The following SDAD1 variants were observed in gnomAD, a reference collection of about 807,000 sequenced individuals.
SDAD1 encodes protein SDA1 homolog.
SDAD1 carries 79 observed loss-of-function variants against 100.3 expected under a neutral mutation model. The observed-to-expected ratio is 0.79, with a 90% CI of 0.66 to 0.95. SDAD1 has a LOEUF of 0.95. SDAD1 is among the 40% of genes least tolerant of loss of function. The pLI is 0.00. For missense variants in SDAD1, 790 were observed against 810.9 expected (o/e 0.97, Z 0.31); for synonymous variants, 267 against 271.4 (o/e 0.98, Z 0.16).
At chr4:75,954,810 C>G in intron 21 of SDAD1, among the ~76,000 whole-genome samples, 1 of 152,112 alleles carries the variant, frequency 6.6e-6, no homozygotes, top group East Asian at 1.9e-4. Flanking sequence ...CCCAGAAAAG[C>G]AGATGTTCAT....
rs771256173 is a variant in SDAD1, at chr4:75,957,922, A to C, written c.1503T>G (p.Ser501Arg). 1.9e-6 allele frequency: 3 copies of C among 1,612,886 alleles called. No homozygotes were observed. The highest frequency in any genetic ancestry group is 1.7e-6 in the Non-Finnish European group (2 of 1,180,006). ...ENDEDGWEST[S>R]LSEEEDADGE... ...CATCAGCATCCTCCTCCTCACTGAG[A>C]CTGGTACTTTCCCATCCATCTGCGT... The change falls in exon 18 of 22, where the codon AGT becomes AGG. Residue 501 changes from serine to arginine, a missense_variant. Coordinates refer to ENST00000356260, the MANE Select transcript of SDAD1 (RefSeq NM_018115.4).
chr4:75,977,668 C>CA lies in SDAD1; in HGVS notation c.382dup (p.Cys128LeufsTer3). ...TACCTTTCGCAGAAGTTTATCATGG[C>CA]AACGAAAAAGTTCAAAGAAGAGTTC... On this transcript the variant is annotated frameshift_variant, in exon 4 of 22. Coordinates refer to ENST00000356260, the MANE Select transcript of SDAD1 (RefSeq NM_018115.4). LOFTEE classifies it high-confidence loss of function. The CA allele has an allele frequency of 6.2e-7, 1 of 1,610,054 alleles. No homozygotes were observed. Among genetic ancestry groups the CA allele is most frequent in the Admixed American group, 1.7e-5 (1 of 59,908 alleles).
At chr4:75,977,161 T>C (rs1485747444) in intron 4 of SDAD1, among the ~76,000 whole-genome samples, 3 of 152,148 alleles carry the variant, frequency 2.0e-5, no homozygotes, top group Non-Finnish European at 4.4e-5. Context: ...TGCAAAATCA[T>C]GGGAAAATGT....
intron 12 of SDAD1, 44 bp downstream of exon 12, chr4:75,967,233 C>T: frequency 6.3e-7 from 1 of 1,575,662 alleles, no homozygotes; most frequent in Admixed American, 1.7e-5. Flanking sequence ...CATGTTTATT[C>T]TATTACCAAG....
intron 3 of SDAD1, among the ~76,000 whole-genome samples, chr4:75,978,913 A>G (rs1435175986): frequency 7.1e-6 from 1 of 140,084 alleles, no homozygotes; most frequent in African/African-American, 2.6e-5. Flanking sequence ...CAGAAGCTTG[A>G]GGCTGCGGTG....
intron 4 of SDAD1, among the ~76,000 whole-genome samples, chr4:75,976,602 A>C (rs553899489): frequency 6.6e-6 from 1 of 152,296 alleles, no homozygotes; most frequent in African/African-American, 2.4e-5. Context: ...ATTGGAATAG[A>C]GTTTCTTTTG....
At chr4:75,970,899 C>T (rs1729834245) in intron 9 of SDAD1, among the ~76,000 whole-genome samples, 1 of 152,176 alleles carries the variant, frequency 6.6e-6, no homozygotes, top group African/African-American at 2.4e-5. Flanking sequence ...TGAGGCCTCC[C>T]CCACCATGCA....
At chr4:75,977,453 C>G (rs921322240) in intron 4 of SDAD1, among the ~76,000 whole-genome samples, 193 bp downstream of exon 4, 1 of 152,144 alleles carries the variant, frequency 6.6e-6, no homozygotes, top group Non-Finnish European at 1.5e-5. Context: ...ATACACAAAG[C>G]TCTGAGAATG....
At chr4:75,970,838 G>T (rs1370628969) in intron 9 of SDAD1, among the ~76,000 whole-genome samples, 22 of 152,170 alleles carry the variant, frequency 1.4e-4, no homozygotes, top group Non-Finnish European at 3.1e-4. Flanking sequence ...CTGCCACCAT[G>T]TAAGACATGC....
At chr4:75,965,859 G>A (rs750856593) in intron 12 of SDAD1, 37 bp from the exon 13 acceptor site, 1 of 1,567,288 alleles carries the variant, frequency 6.4e-7, no homozygotes, top group Non-Finnish European at 8.8e-7. Context: ...CATGGTCAGT[G>A]TATCACCCTG....
chr4:75,960,282 A>T, intron 16 of SDAD1, 90 bp from the exon 17 acceptor site: 1 of 1,179,364 alleles, frequency 8.5e-7, no homozygotes. Flanking sequence ...AATTTATTTT[A>T]TTTATTTATT....
chr4:75,953,770 A>T (rs1728739028), intron 21 of SDAD1, among the ~76,000 whole-genome samples: 1 of 152,206 alleles, frequency 6.6e-6, no homozygotes, highest in East Asian at 1.9e-4. Context: ...AGACTGTTTA[A>T]CCCAGAGCTG....
chr4:75,964,261 A>G (rs1457669167), intron 13 of SDAD1, 50 bp from the exon 14 acceptor site: 3 of 1,197,984 alleles, frequency 2.5e-6, no homozygotes, highest in Admixed American at 1.8e-5. Flanking sequence ...GTCTGCATAC[A>G]CAAACACATA....
intron 4 of SDAD1, among the ~76,000 whole-genome samples, chr4:75,976,939 A>G (rs1353364142): frequency 6.6e-6 from 1 of 152,120 alleles, no homozygotes; most frequent in African/African-American, 2.4e-5. Flanking sequence ...TAATGAATGT[A>G]AACTTAAATT....
chr4:75,966,264 G>GCACACACA (rs1553918825), intron 12 of SDAD1, among the ~76,000 whole-genome samples: 1 of 107,888 alleles, frequency 9.3e-6, no homozygotes, highest in Admixed American at 9.9e-5. Context: ...CTGAATGAAT[G>GCACACACA]CATACACACA....
chr4:75,977,951 A>G (rs73825590), intron 3 of SDAD1, among the ~76,000 whole-genome samples, 195 bp from the exon 4 acceptor site: 2,204 of 152,274 alleles, frequency 0.014, 43 homozygotes, highest in African/African-American at 0.049. Context: ...CCAAGTAAGC[A>G]TATAAAAAGG....
intron 3 of SDAD1, among the ~76,000 whole-genome samples, chr4:75,979,469 T>C (rs1338659009): frequency 4.0e-5 from 6 of 151,800 alleles, no homozygotes; most frequent in South Asian, 2.1e-4. Flanking sequence ...AAATCTCTAT[T>C]ATTATTATTA....
chr4:75,979,016 G>A (rs1249834155), intron 3 of SDAD1, among the ~76,000 whole-genome samples: 1 of 88,184 alleles, frequency 1.1e-5, no homozygotes, highest in Non-Finnish European at 2.7e-5. Flanking sequence ...AAAAAATTCA[G>A]GGAAATTGCT....
chr4:75,957,393 G>A lies in SDAD1; in HGVS notation c.1786C>T (p.Leu596Phe). The change falls in exon 20 of 22, where the codon CTT becomes TTT. Residue 596 changes from leucine to phenylalanine, a missense_variant. Transcript: ENST00000356260. ...TTATGAAGGCGTTCAATGTCCCGAAGAGAAAGTAATTCACCCCTGGGGTGA... is the reference window on the plus strand; with the variant it reads ...TTATGAAGGCGTTCAATGTCCCGAAAAGAAAGTAATTCACCCCTGGGGTGA... ...DEEPRGELLS[L>F]RDIERLHKKP... 1 of 1,614,104 alleles carries A rather than the reference G, an allele frequency of 6.2e-7. No individual in the cohort carries two copies. The highest frequency in any genetic ancestry group is 8.5e-7 in the Non-Finnish European group (1 of 1,180,002).
Sources: gnomAD v4.1 joint callset for allele counts (sites outside exome capture counted in the v4.1 genomes callset) on GRCh38, gnomAD v4.1.1 for gene constraint, MANE v1.5 for transcripts, NCBI Gene and HGNC (gene_info 2026-07-23, HGNC 2026-07-21) for gene names.